Variants in PTGER4 observed in about 807,000 individuals in gnomAD.
PTGER4 encodes prostaglandin E2 receptor EP4 subtype.
PTGER4 carries 11 observed loss-of-function variants against 33.2 expected under a neutral mutation model. The ratio of observed to expected loss-of-function variants is 0.33; its 90% CI spans 0.21 to 0.55. PTGER4 has a LOEUF of 0.55. Among genes scored for constraint, PTGER4 ranks in the 20% least tolerant of loss-of-function variants. The pLI, the probability that PTGER4 is intolerant of heterozygous loss-of-function variation, is 0.92. For missense variants in PTGER4, 481 were observed against 650.2 expected, an observed-to-expected ratio of 0.74 and a Z score of 2.83; for synonymous variants, 275 against 281.5, an observed-to-expected ratio of 0.98 and a Z score of 0.23.
At chr5:40,718,175 G>C in the PTGER4 span, among the ~76,000 whole-genome samples, 1 of 152,054 alleles carries the variant, frequency 6.6e-6, no homozygotes, top group Admixed American at 6.5e-5. Flanking sequence ...CCAACTCTTT[G>C]GGAGGCCGAG....
rs1174831471 is a variant in PTGER4, at chr5:40,681,658, C to G, written c.665C>G (p.Ser222Trp). 6.3e-7 allele frequency: 1 copy of G among 1,591,586 alleles called. No homozygotes were observed. Among genetic ancestry groups the G allele is most frequent in the Non-Finnish European group, 8.5e-7 (1 of 1,174,708 alleles). Residue 222 changes from serine to tryptophan, a missense_variant, in exon 2 of 3, where the codon TCG (serine) becomes TGG (tryptophan). Physicochemically the swap from Ser to Trp is radical, Grantham distance 177 (BLOSUM62 -3). Transcript: ENST00000302472. This position sits in a 1 kb window ranked among gnomAD's most constrained non-coding sequence, Gnocchi z 9.8. ...RMHRQFMRRT[S>W]LGTEQHHAAA... ...CACCGCCAGTTCATGCGCCGCACCT[C>G]GCTGGGCACCGAGCAGCACCACGCG...
the PTGER4 span, chr5:40,746,669 G>T: frequency 1.4e-6 from 1 of 690,102 alleles, no homozygotes; most frequent in Non-Finnish European, 2.3e-6. Context: ...TTATTTCTTT[G>T]ATTAATTTAG....
the PTGER4 span, chr5:40,728,495 C>CA: frequency 4.2e-3 from 6,633 of 1,572,560 alleles, 26 homozygotes; most frequent in Non-Finnish European, 4.9e-3. Flanking sequence ...AAAAAAAGAC[C>CA]AAAAAATCTG....
chr5:40,716,921 T>G, the PTGER4 span, among the ~76,000 whole-genome samples: 1 of 152,204 alleles, frequency 6.6e-6, no homozygotes, highest in Non-Finnish European at 1.5e-5. Flanking sequence ...TACTACATTC[T>G]AGGCACTAAA....
rs527893681 is a variant in PTGER4 at position 40,692,489 on chromosome 5, A to G, written c.*111A>G. 180 of 1,488,336 alleles carry G rather than the reference A, an allele frequency of 1.2e-4. No individual in the cohort carries two copies. In the African/African-American group the frequency reaches 2.2e-3, roughly 18 times the overall value. The allele number at this position is 1,488,336 out of a possible 1,614,324, so 92.2% of individuals were successfully genotyped here. On this transcript the variant is annotated 3_prime_UTR_variant, in exon 3 of 3. Coordinates refer to ENST00000302472, the MANE Select transcript of PTGER4 (RefSeq NM_000958.3). ...TCAGAAGGGCTATCATCATCCTACAACTCACATTAGAGAACATCCTGGCTT... is the reference window on the plus strand; with the variant it reads ...TCAGAAGGGCTATCATCATCCTACAGCTCACATTAGAGAACATCCTGGCTT...
At chr5:40,740,154 T>C in the PTGER4 span, among the ~76,000 whole-genome samples, 1 of 152,110 alleles carries the variant, frequency 6.6e-6, no homozygotes. Flanking sequence ...GTTGCTGTTG[T>C]TATTTAATGT....
At chr5:40,714,003 T>C in the PTGER4 span, among the ~76,000 whole-genome samples, 1 of 152,198 alleles carries the variant, frequency 6.6e-6, no homozygotes. Context: ...TTCTCCTCTG[T>C]CTTATGTCTA....
chr5:40,738,648 A>AT, the PTGER4 span, among the ~76,000 whole-genome samples: 1 of 151,842 alleles, frequency 6.6e-6, no homozygotes, highest in Non-Finnish European at 1.5e-5. Flanking sequence ...AGGTAAAGCT[A>AT]TTTTACATTT....
At chr5:40,738,004 G>A in the PTGER4 span, among the ~76,000 whole-genome samples, 1 of 152,164 alleles carries the variant, frequency 6.6e-6, no homozygotes, top group Non-Finnish European at 1.5e-5. Flanking sequence ...TATTAATAAA[G>A]CTGCTAGAGA....
chr5:40,711,265 A>G, the PTGER4 span, among the ~76,000 whole-genome samples: 4 of 152,154 alleles, frequency 2.6e-5, no homozygotes. Context: ...AAAAAGAGAA[A>G]TGTCAGATAA....
rs553591046 is a variant in PTGER4, at chr5:40,682,656, T to C, written c.867+796T>C. On this transcript the variant is annotated intron_variant, in intron 2 of 2. Coordinates refer to ENST00000302472, the MANE Select transcript of PTGER4 (RefSeq NM_000958.3). ...TGGACAGGCTGATATACATAGGGTA[T>C]GGGATTTGAATTCTCGACAACTGTG... 3.2e-4 allele frequency among the ~76,000 whole-genome samples: 49 copies of C among 152,296 alleles called. 1 individual carries two copies. Among genetic ancestry groups the C allele is most frequent in the African/African-American group, 1.1e-3 (47 of 41,552 alleles).
the PTGER4 span, among the ~76,000 whole-genome samples, chr5:40,739,768 T>C: frequency 1.3e-5 from 2 of 152,236 alleles, no homozygotes; most frequent in Non-Finnish European, 2.9e-5. Context: ...GGTAGTTGTT[T>C]ATAGCAGTGT....
downstream of PTGER4, among the ~76,000 whole-genome samples, chr5:40,697,070 AAAGG>A (rs1237270035): frequency 2.1e-4 from 16 of 77,492 alleles, no homozygotes; most frequent in South Asian, 4.3e-4. Context: ...GAAAAGAAAG[AAAGG>A]AAGGAAGGAA....
the PTGER4 span, among the ~76,000 whole-genome samples, chr5:40,724,972 G>A: frequency 4.0e-5 from 6 of 150,584 alleles, no homozygotes; most frequent in African/African-American, 1.5e-4. Context: ...CCTGCCTCCT[G>A]AGTAGCTGGA....
the PTGER4 span, among the ~76,000 whole-genome samples, chr5:40,722,424 C>T: frequency 1.6e-3 from 241 of 149,360 alleles, 1 homozygote; most frequent in Admixed American, 5.8e-3. Flanking sequence ...AAGTGAGGAG[C>T]GCCTCTTCCC....
At position 40,691,567 on chromosome 5, in the gene PTGER4, C is replaced by T. The variant is rs1357231711; in HGVS notation, c.868-212C>T. Among the ~76,000 whole-genome samples the T allele has an allele frequency of 6.6e-5, 10 of 152,192 alleles. No homozygotes were observed. The highest frequency in any genetic ancestry group is 1.4e-4 in the African/African-American group (6 of 41,434). Reference sequence around the variant, plus strand: ...CTGACCTCAAGTGATCCTCCCACCTCGGCCTCCCAAAGTGCTGGGATTACA... The same window carrying T: ...CTGACCTCAAGTGATCCTCCCACCTTGGCCTCCCAAAGTGCTGGGATTACA... On this transcript the variant is annotated intron_variant, in intron 2 of 2. Coordinates refer to ENST00000302472, the MANE Select transcript of PTGER4 (RefSeq NM_000958.3). The surrounding 1 kb of genome is among the most constrained non-coding windows in gnomAD (Gnocchi z 4.2).
chr5:40,701,342 G>A, the PTGER4 span, among the ~76,000 whole-genome samples: 1 of 152,194 alleles, frequency 6.6e-6, no homozygotes, highest in Non-Finnish European at 1.5e-5. Flanking sequence ...AACCTAACAG[G>A]TCTGACAGAG....
rs1201550712 is a variant in PTGER4, at chr5:40,681,704, C to CA, written c.711_712insA (p.Ser238IlefsTer71). 6.3e-7 allele frequency: 1 copy of CA among 1,584,710 alleles called. No homozygotes were observed. On this transcript the variant is annotated frameshift_variant, in exon 2 of 3. Transcript: ENST00000302472. LOFTEE classifies it high-confidence loss of function. This position sits in a 1 kb window ranked among gnomAD's most constrained non-coding sequence, Gnocchi z 9.8. The stretch of plus-strand genomic sequence containing the variant: ...ACGCGGCCGCGGCCGCCTCGGTTGC[C>CA]TCCCGGGGCCACCCCGCTGCCTCCC...
chr5:40,681,290 G>C lies in PTGER4; in HGVS notation c.297G>C (p.Leu99=). 1.2e-6 allele frequency: 2 copies of C among 1,614,182 alleles called. No individual in the cohort carries two copies. The highest frequency in any genetic ancestry group is 1.7e-6 in the Non-Finnish European group (2 of 1,180,042). ...TGTGCGAGTACAGCACCTTCATTCT[G>C]CTCTTCTTCAGCCTGTCCGGCCTCA... ...QPLCEYSTFI[L]LFFSLSGLSI... Residue 99 remains leucine (L), a synonymous_variant, in exon 2 of 3, where the codon CTG becomes CTC. Transcript: ENST00000302472. The surrounding 1 kb of genome is among the most constrained non-coding windows in gnomAD (Gnocchi z 9.8).
Sources: allele counts gnomAD v4.1 joint callset (sites outside exome capture counted in the v4.1 genomes callset), GRCh38; gene constraint gnomAD v4.1.1; non-coding constraint Gnocchi (gnomAD v3.1); transcripts MANE v1.5; gene names NCBI Gene and HGNC (gene_info 2026-07-23, HGNC 2026-07-21).